Variants in LRP1B observed in about 807,000 individuals in gnomAD.
LRP1B encodes the protein low-density lipoprotein receptor-related protein 1B.
In LRP1B, 217 loss-of-function variants were observed where a neutral mutation model predicts 556.6. The observed-to-expected ratio is 0.39, with a 90% CI of 0.35 to 0.44. The LOEUF (loss-of-function observed/expected upper bound fraction) is 0.44, where lower values mean the gene tolerates loss of function less well. Ranked by LOEUF, LRP1B falls within the 20% of genes least tolerant of loss-of-function variation. The probability of loss-of-function intolerance (pLI) is 1.00; values close to 1 mark genes in which losing one functional copy is unlikely to be tolerated. For synonymous variants in LRP1B, 2,047 were observed against 1,865.8 expected (o/e 1.10, Z -2.50); for missense variants, 5,053 against 5,620.8 (o/e 0.90, Z 3.23).
intron 7 of LRP1B, among the ~76,000 whole-genome samples, chr2:141,158,638 A>T (rs1379546253): frequency 6.6e-6 from 1 of 152,096 alleles, no homozygotes; most frequent in Non-Finnish European, 1.5e-5. Context: ...GGTGTAAGTT[A>T]TATCTCTTTT....
chr2:141,561,852 G>GT (rs1305708676), intron 2 of LRP1B, among the ~76,000 whole-genome samples: 5 of 151,704 alleles, frequency 3.3e-5, no homozygotes, highest in African/African-American at 1.2e-4. Flanking sequence ...TCTATATACT[G>GT]TAAGTCTTAA....
At chr2:141,421,239 C>T (rs1255525616) in intron 3 of LRP1B, among the ~76,000 whole-genome samples, 1 of 152,090 alleles carries the variant, frequency 6.6e-6, no homozygotes, top group Non-Finnish European at 1.5e-5. Context: ...TAAAAATTTA[C>T]CTCTTTCGGC....
intron 3 of LRP1B, among the ~76,000 whole-genome samples, chr2:141,420,288 CAT>C (rs1220473220): frequency 2.0e-5 from 3 of 152,144 alleles, no homozygotes; most frequent in Non-Finnish European, 1.5e-5. Context: ...GTGTTTGACT[CAT>C]GTGTCTTATA....
At chr2:141,243,145 AT>A (rs11412631) in intron 5 of LRP1B, among the ~76,000 whole-genome samples, 15 of 146,140 alleles carry the variant, frequency 1.0e-4, no homozygotes, top group African/African-American at 2.0e-4. Context: ...TATTATTTTT[AT>A]TTTTTTTTTC....
chr2:141,209,196 C>A (rs1682434957), intron 6 of LRP1B, among the ~76,000 whole-genome samples: 1 of 152,066 alleles, frequency 6.6e-6, no homozygotes, highest in East Asian at 1.9e-4. Flanking sequence ...ATTGTAGTTC[C>A]CATAATCCCC....
Position 141,878,808 on chromosome 2 carries a change from G to A in LRP1B, c.83-68407C>T, listed in dbSNP as rs910814406. Reference sequence around the variant, plus strand: ...TAGTACTCTATCTTACAATCTATTTGGAATTTTTTTTTATTTATGGGACAG... The same window carrying A: ...TAGTACTCTATCTTACAATCTATTTAGAATTTTTTTTTATTTATGGGACAG... On this transcript the variant is annotated intron_variant, in intron 1 of 90. Transcript: ENST00000389484. Among the ~76,000 whole-genome samples, 11 of 151,762 alleles carry A rather than the reference G, an allele frequency of 7.2e-5. 1 individual carries two copies. The East Asian group carries it at 2.1e-3, about 29-fold the overall frequency.
intron 41 of LRP1B, among the ~76,000 whole-genome samples, chr2:140,607,407 A>G (rs1682907130): frequency 6.6e-6 from 1 of 152,086 alleles, no homozygotes; most frequent in Non-Finnish European, 1.5e-5. Flanking sequence ...CAGCTTTTCT[A>G]CTAGTAAATA....
intron 35 of LRP1B, among the ~76,000 whole-genome samples, chr2:140,768,391 A>G (rs984452940): frequency 6.6e-6 from 1 of 151,920 alleles, no homozygotes; most frequent in African/African-American, 2.4e-5. Context: ...TTACACATAT[A>G]AAAACACCGT....
intron 7 of LRP1B, among the ~76,000 whole-genome samples, chr2:141,136,531 A>C (rs1701496632): frequency 6.6e-6 from 1 of 151,410 alleles, no homozygotes; most frequent in Non-Finnish European, 1.5e-5. Flanking sequence ...TCCTGCTTTA[A>C]TATCTATCTA....
intron 2 of LRP1B, among the ~76,000 whole-genome samples, chr2:141,726,334 T>A (rs1693034059): frequency 6.6e-6 from 1 of 151,776 alleles, no homozygotes; most frequent in Non-Finnish European, 1.5e-5. Flanking sequence ...AAAAATTATT[T>A]TGATTTTCCA....
At chr2:140,248,937 A>G (rs574116831) in intron 86 of LRP1B, among the ~76,000 whole-genome samples, 1 of 150,842 alleles carries the variant, frequency 6.6e-6, no homozygotes, top group Non-Finnish European at 1.5e-5. Flanking sequence ...CTGCTTAGTT[A>G]TTTCATTATG....
intron 32 of LRP1B, among the ~76,000 whole-genome samples, chr2:140,810,472 GT>G (rs56712346): frequency 0.46 from 69,799 of 151,020 alleles, 17,284 homozygotes; most frequent in East Asian, 0.66. Context: ...CTTTTTCATT[GT>G]TTTTTTTTAT....
intron 32 of LRP1B, among the ~76,000 whole-genome samples, chr2:140,790,874 G>A (rs1690092263): frequency 6.6e-6 from 1 of 152,050 alleles, no homozygotes; most frequent in African/African-American, 2.4e-5. Flanking sequence ...GCCAAGGCAG[G>A]AGGATCACTT....
chr2:141,729,230 C>T (rs1329363665), intron 2 of LRP1B, among the ~76,000 whole-genome samples: 1 of 152,142 alleles, frequency 6.6e-6, no homozygotes, highest in Admixed American at 6.6e-5. Context: ...AGCTTTACCA[C>T]AGGACTTCCT....
intron 2 of LRP1B, among the ~76,000 whole-genome samples, chr2:141,712,293 T>C (rs1692390668): frequency 1.3e-5 from 2 of 151,988 alleles, no homozygotes; most frequent in African/African-American, 4.8e-5. Context: ...CTTTTTAGTT[T>C]AATAAAATGT....
intron 41 of LRP1B, among the ~76,000 whole-genome samples, chr2:140,666,301 TACACACAC>T (rs56905500): frequency 4.1e-4 from 61 of 147,298 alleles, no homozygotes; most frequent in East Asian, 1.1e-3. Flanking sequence ...CCATTTATTA[TACACACAC>T]ACACACACAC....
intron 89 of LRP1B, among the ~76,000 whole-genome samples, chr2:140,235,896 G>GA (rs1680676677): frequency 6.6e-6 from 1 of 150,860 alleles, no homozygotes; most frequent in Non-Finnish European, 1.5e-5. Flanking sequence ...TTATTCCTAA[G>GA]AAAAATGCAA....
At chr2:142,098,452 ACTGT>A (rs1706455054) in intron 1 of LRP1B, among the ~76,000 whole-genome samples, 1 of 151,758 alleles carries the variant, frequency 6.6e-6, no homozygotes, top group Non-Finnish European at 1.5e-5. Context: ...ATTACTGGAA[ACTGT>A]CTGCTTTGGA....
chr2:142,007,951 C>T (rs116969692), intron 1 of LRP1B, among the ~76,000 whole-genome samples: 2 of 152,068 alleles, frequency 1.3e-5, no homozygotes, highest in African/African-American at 4.8e-5. Context: ...TTTGTATAAT[C>T]CAGAGTCACC....
Sources: allele counts gnomAD v4.1 joint callset (sites outside exome capture counted in the v4.1 genomes callset), GRCh38; gene constraint gnomAD v4.1.1; transcripts MANE v1.5; gene names NCBI Gene and HGNC (gene_info 2026-07-23, HGNC 2026-07-21).